HELB: variants seen among roughly 807,000 people sequenced by gnomAD.
The protein encoded by HELB is DNA helicase B, also known as DNA 5'-3' helicase B.
A neutral mutation model predicts 101.7 loss-of-function variants in HELB; 96 were observed. The observed-to-expected ratio is 0.94, with a 90% CI of 0.80 to 1.12. The LOEUF (loss-of-function observed/expected upper bound fraction) is 1.12, where lower values mean the gene tolerates loss of function less well. HELB is among the 50% of genes most tolerant of loss of function. HELB has a pLI of 0.00. For synonymous variants in HELB, 437 were observed against 459.7 expected (o/e 0.95, Z 0.63); for missense variants, 1,210 against 1,291.9 (o/e 0.94, Z 0.97).
intron 12 of HELB, among the ~76,000 whole-genome samples, chr12:66,333,790 G>C (rs2053835531): frequency 6.6e-6 from 1 of 152,196 alleles, no homozygotes; most frequent in Non-Finnish European, 1.5e-5. Flanking sequence ...CCACGGGAAT[G>C]AGTTGGGATT....
intron 4 of HELB, among the ~76,000 whole-genome samples, chr12:66,311,461 A>G (rs935036654): frequency 2.6e-5 from 4 of 152,212 alleles, no homozygotes; most frequent in African/African-American, 9.6e-5. Flanking sequence ...GACCTTGTCT[A>G]AAAACAACAG....
chr12:66,303,620 T>C (rs10784523), intron 1 of HELB, among the ~76,000 whole-genome samples: 84,381 of 151,858 alleles, frequency 0.56, 24,031 homozygotes, highest in Middle Eastern at 0.65. Flanking sequence ...GCAACAAGAA[T>C]GAAACTCCAT....
Position 66,309,891 on chromosome 12 carries a change from A to T in HELB, c.963A>T (p.Thr321=), listed in dbSNP as rs114051437. 94 of 1,614,206 alleles carry T rather than the reference A, an allele frequency of 5.8e-5. No individual in the cohort carries two copies. The African/African-American group carries it at 1.1e-3, about 19-fold the overall frequency. ...TTGAAGTGAATGACTTAACTTTGAC[A>T]TTGTCAAATCATATGTCATTTCATG... ...TYVEVNDLTL[T]LSNHMSFHAA... Residue 321 remains threonine, a synonymous_variant, in exon 4 of 13, where the codon ACA becomes ACT. Coordinates refer to ENST00000247815, the MANE Select transcript of HELB (RefSeq NM_001370285.1).
chr12:66,343,347 C>T (rs1480667762), intron 13 of HELB: 1 of 152,514 alleles, frequency 6.6e-6, no homozygotes, highest in East Asian at 1.9e-4. Flanking sequence ...GCCTCTACCT[C>T]TCAGGCTCAA....
intron 6 of HELB, among the ~76,000 whole-genome samples, chr12:66,318,051 G>A (rs1465397660): frequency 6.6e-6 from 1 of 152,130 alleles, no homozygotes; most frequent in Non-Finnish European, 1.5e-5. Flanking sequence ...AACTAGATGT[G>A]GATACTTGGT....
At chr12:66,304,423 G>A (rs879473252) in intron 1 of HELB, among the ~76,000 whole-genome samples, 1 of 152,216 alleles carries the variant, frequency 6.6e-6, no homozygotes. Flanking sequence ...AGTATTGGCT[G>A]AAGTCAAGAG....
intron 6 of HELB, among the ~76,000 whole-genome samples, chr12:66,317,572 A>T (rs2053623004): frequency 6.6e-6 from 1 of 152,218 alleles, no homozygotes; most frequent in Non-Finnish European, 1.5e-5. Flanking sequence ...CTTTCTCAGA[A>T]CTCAATTTTA....
intron 3 of HELB, among the ~76,000 whole-genome samples, chr12:66,308,148 A>G (rs1460936763): frequency 1.3e-5 from 2 of 151,960 alleles, no homozygotes; most frequent in South Asian, 4.2e-4. Context: ...GAAGTCCTAG[A>G]TTCTCTCCCC....
chr12:66,324,547 A>G (rs2053713196), intron 10 of HELB: 2 of 259,320 alleles, frequency 7.7e-6, no homozygotes, highest in African/African-American at 2.2e-5. Context: ...CATAGATTTT[A>G]AAAAGCATCA....
Position 66,326,797 on chromosome 12 carries a change from C to T in HELB, c.2670+1671C>T, listed in dbSNP as rs11176146. On this transcript the variant is annotated intron_variant, in intron 11 of 12. Coordinates refer to ENST00000247815, the MANE Select transcript of HELB (RefSeq NM_001370285.1). ...TTGTAATCCCAGCACTTTGGGAGGC[C>T]GAGGTAGGTGGATCACTTGCAGTCA... Among the ~76,000 whole-genome samples, 1,257 of 148,974 alleles carry T rather than the reference C, an allele frequency of 8.4e-3. 20 individuals carry two copies. Among genetic ancestry groups the T allele is most frequent in the African/African-American group, 0.027 (1,077 of 40,586 alleles).
At chr12:66,317,270 A>G (rs2053618846) in intron 6 of HELB, among the ~76,000 whole-genome samples, 1 of 152,202 alleles carries the variant, frequency 6.6e-6, no homozygotes, top group Admixed American at 6.5e-5. Context: ...ATTTAAAGCC[A>G]TACTTGGCCT....
At chr12:66,333,736 C>T (rs1025540394) in intron 12 of HELB, among the ~76,000 whole-genome samples, 1 of 151,980 alleles carries the variant, frequency 6.6e-6, no homozygotes, top group East Asian at 1.9e-4. Flanking sequence ...GGCTAGTGAG[C>T]GAGGAAGAGG....
chr12:66,327,475 A>G (rs2053755134), intron 11 of HELB, among the ~76,000 whole-genome samples: 1 of 152,116 alleles, frequency 6.6e-6, no homozygotes, highest in African/African-American at 2.4e-5. Flanking sequence ...GATTTCCTTA[A>G]ATTTATAATC....
chr12:66,318,907 C>CA, intron 7 of HELB, 115 bp downstream of exon 7: 2 of 746,650 alleles, frequency 2.7e-6, no homozygotes, highest in Non-Finnish European at 4.2e-6. Context: ...ATATTGCTAG[C>CA]AAAAAAAGAG....
chr12:66,319,804 T>C (rs1194885286), intron 7 of HELB, among the ~76,000 whole-genome samples: 1 of 152,066 alleles, frequency 6.6e-6, no homozygotes, highest in African/African-American at 2.4e-5. Context: ...TCCCGTGGGT[T>C]AGTGATCATT....
intron 11 of HELB, among the ~76,000 whole-genome samples, chr12:66,326,005 G>T (rs4495926): frequency 5.3e-5 from 8 of 152,184 alleles, no homozygotes; most frequent in African/African-American, 1.7e-4. Flanking sequence ...TCAAAACTAA[G>T]AAATTACTAT....
intron 3 of HELB, among the ~76,000 whole-genome samples, chr12:66,309,505 G>A (rs1592632164): frequency 6.6e-6 from 1 of 152,178 alleles, no homozygotes; most frequent in Non-Finnish European, 1.5e-5. Flanking sequence ...GTGTTAGTGT[G>A]ATAAAATATA....
At chr12:66,312,465 G>A (rs2053555814) in intron 4 of HELB, among the ~76,000 whole-genome samples, 2 of 152,196 alleles carry the variant, frequency 1.3e-5, no homozygotes, top group Non-Finnish European at 2.9e-5. Context: ...ATGAATGAAT[G>A]GAGACCTAGA....
At chr12:66,336,999 G>T (rs1006476958) in intron 12 of HELB, among the ~76,000 whole-genome samples, 1 of 152,130 alleles carries the variant, frequency 6.6e-6, no homozygotes, top group Non-Finnish European at 1.5e-5. Flanking sequence ...CTAACATTAG[G>T]TAGTAGCAAT....
Sources: gnomAD v4.1 joint callset for allele counts (sites outside exome capture counted in the v4.1 genomes callset) on GRCh38, gnomAD v4.1.1 for gene constraint, MANE v1.5 for transcripts, NCBI Gene and HGNC (gene_info 2026-07-23, HGNC 2026-07-21) for gene names.